Variants in GRIK5 observed in about 807,000 individuals in gnomAD.
GRIK5 encodes the protein glutamate receptor ionotropic, kainate 5.
In GRIK5, 43 loss-of-function variants were observed where a neutral mutation model predicts 97.4. The observed-to-expected ratio is 0.44, with a 90% CI of 0.35 to 0.57. The LOEUF (loss-of-function observed/expected upper bound fraction) is 0.57. Ranked by LOEUF, GRIK5 falls within the 20% of genes least tolerant of loss-of-function variation. The pLI, the probability that GRIK5 is intolerant of heterozygous loss-of-function variation, is 0.01. For missense variants in GRIK5, 1,015 were observed against 1,382.0 expected (o/e 0.73, Z 4.21); for synonymous variants, 580 against 583.5 (o/e 0.99, Z 0.09).
rs771943564 is a variant in GRIK5, at chr19:42,065,743, T to TCAG, written c.25_27dup (p.Leu9dup). 33 of 1,595,548 alleles carry TCAG rather than the reference T, an allele frequency of 2.1e-5. No homozygotes were observed. Among genetic ancestry groups the TCAG allele is most frequent in the East Asian group, 6.8e-5 (3 of 43,872 alleles). On this transcript the variant is annotated inframe_insertion, in exon 2 of 20. Coordinates refer to ENST00000593562, the MANE Select transcript of GRIK5 (RefSeq NM_002088.5). The surrounding 1 kb of genome is among the most constrained non-coding windows in gnomAD (Gnocchi z 5.8). ...CAGCTGGGGCTGGCGAAGGCAACAA[T>TCAG]CAGCAGCAGCAGCAGCTCAGCCGGC...
intron 12 of GRIK5, among the ~76,000 whole-genome samples, chr19:42,032,505 A>C (rs933128247): frequency 3.3e-5 from 5 of 152,206 alleles, no homozygotes; most frequent in African/African-American, 1.2e-4. Flanking sequence ...CACTCCCACA[A>C]ATCCACAGGC....
chr19:42,050,112 T>C (rs2076093697), intron 11 of GRIK5, among the ~76,000 whole-genome samples: 1 of 152,006 alleles, frequency 6.6e-6, no homozygotes, highest in African/African-American at 2.4e-5. Context: ...GTATTTTTAG[T>C]AGAGATGGGG....
At chr19:42,064,304 G>A (rs761222764) in intron 3 of GRIK5, among the ~76,000 whole-genome samples, 1 of 152,126 alleles carries the variant, frequency 6.6e-6, no homozygotes, top group Non-Finnish European at 1.5e-5. Context: ...TTGAGCCAGC[G>A]TGACAATCTG....
intron 12 of GRIK5, among the ~76,000 whole-genome samples, chr19:42,040,663 C>T (rs1054421551): frequency 3.9e-5 from 6 of 152,062 alleles, no homozygotes; most frequent in Non-Finnish European, 7.4e-5. Flanking sequence ...TCAAGACCAG[C>T]CTGGCCAACA....
chr19:42,025,469 G>A (rs1411148151), intron 12 of GRIK5, among the ~76,000 whole-genome samples: 3 of 152,032 alleles, frequency 2.0e-5, no homozygotes, highest in Non-Finnish European at 2.9e-5. Flanking sequence ...CTGATGGGAG[G>A]AGTCAGTGAG....
intron 3 of GRIK5, chr19:42,063,601 G>A (rs142298754): frequency 1.3e-5 from 4 of 307,648 alleles, no homozygotes; most frequent in African/African-American, 8.8e-5. Context: ...AATTATCACT[G>A]GGTTTGCTAA....
chr19:42,053,522 G>GC (rs2076142379), intron 11 of GRIK5, 80 bp downstream of exon 11: 29 of 862,488 alleles, frequency 3.4e-5, no homozygotes, highest in Non-Finnish European at 5.1e-5. Flanking sequence ...GCCAGCCAAT[G>GC]CATCCCTCCA....
At chr19:42,048,624 T>TA (rs2076073627) in intron 11 of GRIK5, among the ~76,000 whole-genome samples, 1 of 148,590 alleles carries the variant, frequency 6.7e-6, no homozygotes, top group South Asian at 2.1e-4. Context: ...TGTCTCAAAA[T>TA]AAAAAAATAA....
chr19:42,068,239 A>C (rs1336715023), intron 1 of GRIK5, among the ~76,000 whole-genome samples: 1 of 152,038 alleles, frequency 6.6e-6, no homozygotes, highest in Non-Finnish European at 1.5e-5. Flanking sequence ...ACAGGCAGGG[A>C]CAGGGCAAGC....
chr19:42,066,746 G>A (rs940518883), intron 1 of GRIK5, among the ~76,000 whole-genome samples: 5 of 152,042 alleles, frequency 3.3e-5, no homozygotes, highest in African/African-American at 4.8e-5. Context: ...AGCAGGGAGC[G>A]GAGGAAAGAG....
chr19:42,054,494 G>A (rs2076157889), intron 8 of GRIK5, 22 bp from the exon 9 acceptor site: 3 of 1,607,688 alleles, frequency 1.9e-6, no homozygotes, highest in African/African-American at 2.7e-5. Context: ...CAGAGGCGGG[G>A]GTGGGATGGA....
intron 15 of GRIK5, among the ~76,000 whole-genome samples, chr19:42,014,340 G>A (rs987236593): frequency 6.6e-6 from 1 of 151,940 alleles, no homozygotes; most frequent in African/African-American, 2.4e-5. Flanking sequence ...GTTGCAGTGA[G>A]CTGAGATCGT....
At chr19:42,028,113 G>A (rs764192099) in intron 12 of GRIK5, among the ~76,000 whole-genome samples, 13 of 152,188 alleles carry the variant, frequency 8.5e-5, no homozygotes, top group Non-Finnish European at 1.2e-4. Flanking sequence ...GATTACAGGC[G>A]TAAGCCACCA....
chr19:42,035,770 A>G (rs1259436739), intron 12 of GRIK5, among the ~76,000 whole-genome samples: 1 of 152,164 alleles, frequency 6.6e-6, no homozygotes, highest in Non-Finnish European at 1.5e-5. Context: ...AATGAGTTGG[A>G]GGAATATGGT....
At chr19:42,009,749 C>CA (rs1555873580) in intron 15 of GRIK5, among the ~76,000 whole-genome samples, 26 of 133,948 alleles carry the variant, frequency 1.9e-4, no homozygotes, top group Middle Eastern at 4.2e-3. Context: ...GCCTGGGCAA[C>CA]AGAGTAAGAC....
At position 42,042,309 on chromosome 19, in the gene GRIK5, T is replaced by C. The variant is rs754258045; in HGVS notation, c.1473+243A>G. ...ATCCAAGGTGGCATGAAAGGGGCAT[T>C]TGGCAAAGCAGGACACAGGTGGTGA... is the stretch of plus-strand genomic sequence containing the variant. On this transcript the variant is annotated intron_variant, in intron 12 of 19. Transcript: ENST00000593562. This position sits in a 1 kb window ranked among gnomAD's most constrained non-coding sequence, Gnocchi z 6.9. Among the ~76,000 whole-genome samples the C allele has an allele frequency of 1.3e-5, 2 of 152,162 alleles. No homozygotes were observed. Among genetic ancestry groups the C allele is most frequent in the Non-Finnish European group, 2.9e-5 (2 of 68,032 alleles).
rs1441897853 is a variant in GRIK5 at position 42,052,766 on chromosome 19, G to A, written c.1269+836C>T. ...AAGCCTCCTGCTCGCCAGGCCCTGT[G>A]GATCACCCCCTCCCTGACCTCCTAA... On this transcript the variant is annotated intron_variant, in intron 11 of 19. Transcript: ENST00000593562. Among the ~76,000 whole-genome samples the A allele has an allele frequency of 2.6e-5, 4 of 151,670 alleles. No homozygotes were observed. In the East Asian group the frequency reaches 7.8e-4, roughly 30 times the overall value.
At chr19:42,015,095 C>G (rs916887673) in intron 15 of GRIK5, among the ~76,000 whole-genome samples, 2 of 152,100 alleles carry the variant, frequency 1.3e-5, no homozygotes, top group African/African-American at 4.8e-5. Flanking sequence ...GGTCAATTCA[C>G]CTAGAGGACA....
At chr19:42,027,717 A>G (rs1407500791) in intron 12 of GRIK5, among the ~76,000 whole-genome samples, 1 of 152,200 alleles carries the variant, frequency 6.6e-6, no homozygotes, top group Non-Finnish European at 1.5e-5. Flanking sequence ...TCTCATCTGA[A>G]GGTGTGATGG....
Sources: allele counts gnomAD v4.1 joint callset (sites outside exome capture counted in the v4.1 genomes callset), GRCh38; gene constraint gnomAD v4.1.1; non-coding constraint Gnocchi (gnomAD v3.1); transcripts MANE v1.5; gene names NCBI Gene and HGNC (gene_info 2026-07-23, HGNC 2026-07-21).